Variants in MSH3 observed in about 807,000 individuals in gnomAD.
MSH3 encodes DNA mismatch repair protein Msh3.
A neutral mutation model predicts 123.3 loss-of-function variants in MSH3; 106 were observed. The observed-to-expected ratio is 0.86, with a 90% confidence interval of 0.73 to 1.01. The LOEUF is 1.01. Ranked by LOEUF, MSH3 falls within the 50% of genes least tolerant of loss-of-function variation. MSH3 has a pLI of 0.00. For synonymous variants in MSH3, 515 were observed against 481.4 expected (o/e 1.07, Z -0.91); for missense variants, 1,459 against 1,347.6 (o/e 1.08, Z -1.29).
intron 20 of MSH3, among the ~76,000 whole-genome samples, chr5:80,851,381 A>C (rs552424068): frequency 2.6e-5 from 4 of 152,330 alleles, no homozygotes; most frequent in African/African-American, 9.6e-5. Context: ...ACTTAGCAAT[A>C]TACATATTAC....
At chr5:80,714,462 A>C (rs1486764881) in intron 8 of MSH3, among the ~76,000 whole-genome samples, 1 of 152,100 alleles carries the variant, frequency 6.6e-6, no homozygotes, top group East Asian at 1.9e-4. Flanking sequence ...TCAGAGATAC[A>C]GTGATTTGAA....
chr5:80,714,105 G>A (rs1187284090), intron 8 of MSH3, among the ~76,000 whole-genome samples: 1 of 150,204 alleles, frequency 6.7e-6, no homozygotes, highest in Non-Finnish European at 1.5e-5. Context: ...AGGATGCTAG[G>A]CATGTGTGCA....
At chr5:80,838,004 C>A (rs1319497659) in intron 20 of MSH3, among the ~76,000 whole-genome samples, 1 of 152,186 alleles carries the variant, frequency 6.6e-6, no homozygotes, top group Non-Finnish European at 1.5e-5. Context: ...GATCACATGG[C>A]CCTCTCAACA....
At chr5:80,817,314 C>G (rs1269308719) in intron 20 of MSH3, among the ~76,000 whole-genome samples, 1 of 152,076 alleles carries the variant, frequency 6.6e-6, no homozygotes, top group African/African-American at 2.4e-5. Context: ...ATAGCTGTCA[C>G]TAATGACCTT....
chr5:80,861,917 T>C (rs1342233116), intron 21 of MSH3, among the ~76,000 whole-genome samples: 1 of 152,150 alleles, frequency 6.6e-6, no homozygotes, highest in Non-Finnish European at 1.5e-5. Context: ...GATTTTTCAG[T>C]TGGTTCTACT....
chr5:80,875,085 T>C (rs1220833806), intron 23 of MSH3, among the ~76,000 whole-genome samples: 1 of 152,182 alleles, frequency 6.6e-6, no homozygotes, highest in Non-Finnish European at 1.5e-5. Context: ...TGAGCAGTCA[T>C]TTGCAGCAGC....
intron 20 of MSH3, among the ~76,000 whole-genome samples, chr5:80,821,703 A>G (rs12521389): frequency 0.14 from 21,540 of 152,164 alleles, 1,567 homozygotes; most frequent in East Asian, 0.24. Context: ...GTCCCTGCAT[A>G]TTCTTACTGA....
intron 8 of MSH3, among the ~76,000 whole-genome samples, chr5:80,683,108 T>C (rs993182305): frequency 1.3e-5 from 2 of 152,254 alleles, no homozygotes; most frequent in Non-Finnish European, 2.9e-5. Flanking sequence ...ATTTGTCTGC[T>C]GACAGACACC....
intron 8 of MSH3, among the ~76,000 whole-genome samples, chr5:80,686,812 T>A (rs1750104595): frequency 6.6e-6 from 1 of 151,008 alleles, no homozygotes; most frequent in Admixed American, 6.6e-5. Flanking sequence ...AAAACAGCAG[T>A]TTTTGTCAGT....
intron 22 of MSH3, 91 bp downstream of exon 22, chr5:80,865,033 A>C: frequency 7.9e-7 from 1 of 1,266,622 alleles, no homozygotes; most frequent in East Asian, 2.3e-5. Context: ...GCTTATTAAT[A>C]ATGAAAGCTG....
intron 3 of MSH3, 80 bp downstream of exon 3, chr5:80,665,443 C>A: frequency 9.4e-7 from 1 of 1,058,612 alleles, no homozygotes; most frequent in Non-Finnish European, 1.4e-6. Flanking sequence ...TGAGGTCATT[C>A]ATGGCAATGG....
intron 22 of MSH3, among the ~76,000 whole-genome samples, chr5:80,867,160 C>G (rs181701640): frequency 2.0e-5 from 3 of 152,380 alleles, no homozygotes; most frequent in East Asian, 1.9e-4. Context: ...CGGTCTCACA[C>G]TGGCTCAGAC....
chr5:80,689,392 A>T (rs901569304), intron 8 of MSH3, among the ~76,000 whole-genome samples: 1 of 152,192 alleles, frequency 6.6e-6, no homozygotes, highest in Admixed American at 6.6e-5. Context: ...AAAATTTACA[A>T]AGTTAATACA....
intron 8 of MSH3, among the ~76,000 whole-genome samples, chr5:80,721,282 C>T (rs551411982): frequency 6.6e-6 from 1 of 152,192 alleles, no homozygotes; most frequent in Admixed American, 6.5e-5. Flanking sequence ...CCTTTTCTCC[C>T]CATTTTAGAT....
chr5:80,873,229 AT>A lies in MSH3; in HGVS notation c.3248del (p.Leu1083Ter), dbSNP rs1490183466. The A allele has an allele frequency of 6.2e-7, 1 of 1,614,024 alleles. No homozygotes were observed. Among genetic ancestry groups the A allele is most frequent in the East Asian group, 2.2e-5 (1 of 44,824 alleles). ...TAAACTAGCAGATGTTCCTGGAGAA[AT>A]TTTGAAGAAAGCAGCTCACAAGTCA... ...VAKLADVPGE[I>X]LKKAAHKSKE... On this transcript the variant is annotated frameshift_variant, in exon 23 of 24. Coordinates refer to ENST00000265081, the MANE Select transcript of MSH3 (RefSeq NM_002439.5). LOFTEE classifies it high-confidence loss of function.
intron 19 of MSH3, among the ~76,000 whole-genome samples, chr5:80,804,126 A>G (rs1289552942): frequency 6.6e-6 from 1 of 152,204 alleles, no homozygotes; most frequent in Admixed American, 6.5e-5. Context: ...ATTGCATTGA[A>G]TCTACAGATT....
At chr5:80,855,065 G>C (rs1224225601) in intron 21 of MSH3, among the ~76,000 whole-genome samples, 1 of 151,614 alleles carries the variant, frequency 6.6e-6, no homozygotes, top group Non-Finnish European at 1.5e-5. Flanking sequence ...TTTTTTTCAG[G>C]GTGCATTTCT....
In MSH3 at chr5:80,780,864, T is replaced by A. The variant is rs544533759; in HGVS notation, c.2435+2028T>A. On this transcript the variant is annotated intron_variant, in intron 17 of 23. Coordinates refer to ENST00000265081, the MANE Select transcript of MSH3 (RefSeq NM_002439.5). The stretch of plus-strand genomic sequence containing the variant: ...GCCTGGGCAACAGAGCGTGACTGTC[T>A]CAAATAAATAAATAAAACCTTAAAC... 2.6e-4 allele frequency among the ~76,000 whole-genome samples: 39 copies of A among 151,224 alleles called. 1 individual carries two copies. The highest frequency in any genetic ancestry group is 9.4e-4 in the African/African-American group (39 of 41,282).
intron 12 of MSH3, among the ~76,000 whole-genome samples, chr5:80,748,729 CACA>C (rs1561465054): frequency 1.7e-3 from 192 of 112,042 alleles, no homozygotes; most frequent in African/African-American, 5.3e-3. Flanking sequence ...CACACACACA[CACA>C]CCCATATGTA....
Sources: allele counts gnomAD v4.1 joint callset (sites outside exome capture counted in the v4.1 genomes callset), GRCh38; gene constraint gnomAD v4.1.1; transcripts MANE v1.5; gene names NCBI Gene and HGNC (gene_info 2026-07-23, HGNC 2026-07-21).